Variants in DZIP1 observed in about 807,000 individuals in gnomAD.
DZIP1 encodes the protein cilium assembly protein DZIP1.
DZIP1 carries 97 observed loss-of-function variants against 107.6 expected under a neutral mutation model. That is an observed-to-expected ratio of 0.90 (90% CI 0.77 to 1.07). The LOEUF is 1.07. DZIP1 is among the 50% of genes least tolerant of loss of function. DZIP1 has a pLI of 0.00. For missense variants in DZIP1, 1,035 were observed against 1,063.6 expected, an observed-to-expected ratio of 0.97 and a Z score of 0.37; for synonymous variants, 390 against 386.4, an observed-to-expected ratio of 1.01 and a Z score of -0.11.
At chr13:95,640,907 CA>C (rs1878411749) in intron 5 of DZIP1, among the ~76,000 whole-genome samples, 1 of 152,092 alleles carries the variant, frequency 6.6e-6, no homozygotes, top group African/African-American at 2.4e-5. Flanking sequence ...GAAAGTATTT[CA>C]AAATTTATAA....
In DZIP1 at chr13:95,581,980, A is replaced by C; in HGVS notation, c.*254T>G. The C allele has an allele frequency of 2.9e-6, 1 of 345,390 alleles. No individual in the cohort carries two copies. The highest frequency in any genetic ancestry group is 5.2e-6 in the Non-Finnish European group (1 of 192,258). 21.4% of individuals were successfully genotyped at this position (345,390 alleles called of 1,614,324 possible). On this transcript the variant is annotated 3_prime_UTR_variant, in exon 23 of 23. Transcript: ENST00000376829. ...CTTTCTGAAGAAAAAACTTTTTATG[A>C]CTTCAATGACATGTTATTTTTAAGC...
intron 10 of DZIP1, among the ~76,000 whole-genome samples, chr13:95,615,948 G>T (rs931110224): frequency 1.3e-5 from 2 of 152,148 alleles, no homozygotes; most frequent in African/African-American, 4.8e-5. Context: ...AAGTTGTGCT[G>T]GTTAAATCAG....
chr13:95,599,853 G>A (rs532811087), intron 14 of DZIP1, among the ~76,000 whole-genome samples: 1 of 152,196 alleles, frequency 6.6e-6, no homozygotes, highest in Non-Finnish European at 1.5e-5. Context: ...ACTTGTTCTG[G>A]GTGCTAACCC....
intron 19 of DZIP1, among the ~76,000 whole-genome samples, chr13:95,588,318 G>T (rs1254470343): frequency 6.6e-6 from 1 of 152,190 alleles, no homozygotes. Context: ...CTTCCTATGA[G>T]ATTACGTATA....
At chr13:95,630,142 A>G (rs776945362) in intron 6 of DZIP1, 29 bp from the exon 7 acceptor site, 1 of 1,594,382 alleles carries the variant, frequency 6.3e-7, no homozygotes, top group East Asian at 2.2e-5. Flanking sequence ...GTGTTAAAAC[A>G]CCATCTCTTA....
chr13:95,590,437 A>G lies in DZIP1; in HGVS notation c.1685T>C (p.Ile562Thr). ...KLETLGINADIRGISSDQLHR... is the reference protein window; with the variant it reads ...KLETLGINADTRGISSDQLHR... ...CAACTGATCACTTGAAATGCCACGT[A>G]TATCCTGAAAGAATAAGATGTTAAG... The change falls in exon 17 of 23, where the codon ATA becomes ACA. Residue 562 changes from isoleucine (I) to threonine (T), a missense_variant. Coordinates refer to ENST00000376829, the MANE Select transcript of DZIP1 (RefSeq NM_198968.4). The G allele has an allele frequency of 1.2e-6, 2 of 1,600,244 alleles. No individual in the cohort carries two copies. Among genetic ancestry groups the G allele is most frequent in the Non-Finnish European group, 1.7e-6 (2 of 1,175,638 alleles).
At chr13:95,606,123 G>T in intron 13 of DZIP1, 64 bp from the exon 14 acceptor site, 3 of 1,538,858 alleles carry the variant, frequency 1.9e-6, no homozygotes, top group Non-Finnish European at 2.7e-6. Context: ...ATCCGAACAT[G>T]ATGGTAGCCA....
intron 10 of DZIP1, 36 bp from the exon 11 acceptor site, chr13:95,612,213 C>T (rs1187561900): frequency 2.5e-6 from 4 of 1,594,462 alleles, no homozygotes; most frequent in African/African-American, 1.3e-5. Flanking sequence ...CATCTGTAAG[C>T]TGCATGTCAA....
intron 15 of DZIP1, among the ~76,000 whole-genome samples, chr13:95,598,935 T>C (rs1748690136): frequency 6.6e-6 from 1 of 152,172 alleles, no homozygotes; most frequent in Admixed American, 6.5e-5. Flanking sequence ...GATGCTTTTC[T>C]TGCTATTAAA....
At position 95,591,222 on chromosome 13, in the gene DZIP1, T is replaced by C. The variant is rs184370534; in HGVS notation, c.1681-781A>G. ...TTTTGTATTTTTAGTAGAGATGGGGTTTCACCGTGTTGGCCAGGCTAGTCT... is the reference window on the plus strand; with the variant it reads ...TTTTGTATTTTTAGTAGAGATGGGGCTTCACCGTGTTGGCCAGGCTAGTCT... On this transcript the variant is annotated intron_variant, in intron 16 of 22. Transcript: ENST00000376829. Among the ~76,000 whole-genome samples, 213 of 151,992 alleles carry C rather than the reference T, an allele frequency of 1.4e-3. 1 individual carries two copies. The highest frequency in any genetic ancestry group is 4.9e-3 in the African/African-American group (203 of 41,450).
In DZIP1 at chr13:95,590,330, G is replaced by C; in HGVS notation, c.1792C>G (p.Leu598Val). Residue 598 changes from leucine (L) to valine (V), a missense_variant, in exon 17 of 23, where the codon CTT becomes GTT. Coordinates refer to ENST00000376829, the MANE Select transcript of DZIP1 (RefSeq NM_198968.4). Reference sequence around the variant, plus strand: ...ATTTTACAGCTGACTTGATGTTCAAGGAATTCTCGAATTTGATGAAAGTTA... The same window carrying C: ...ATTTTACAGCTGACTTGATGTTCAACGAATTCTCGAATTTGATGAAAGTTA... ...IPNFHQIREF[L>V]EHQVSCKIEE... 6.2e-7 allele frequency: 1 copy of C among 1,613,844 alleles called. No individual in the cohort carries two copies. Among genetic ancestry groups the C allele is most frequent in the Non-Finnish European group, 8.5e-7 (1 of 1,179,912 alleles).
chr13:95,629,985 G>C lies in DZIP1; in HGVS notation c.810+4C>G. 1 of 1,598,612 alleles carries C rather than the reference G, an allele frequency of 6.3e-7. No homozygotes were observed. The highest frequency in any genetic ancestry group is 8.5e-7 in the Non-Finnish European group (1 of 1,175,000). On this transcript the variant is annotated splice_donor_region_variant and intron_variant, in intron 7 of 22. Coordinates refer to ENST00000376829, the MANE Select transcript of DZIP1 (RefSeq NM_198968.4). ...TTAAAATACCACAGAATTCTGCCTG[G>C]TACCTTGGAGAATCTGACTGCACTG... is the stretch of plus-strand genomic sequence containing the variant.
At chr13:95,586,597 A>G (rs2044166390) in intron 20 of DZIP1, among the ~76,000 whole-genome samples, 1 of 152,018 alleles carries the variant, frequency 6.6e-6, no homozygotes, top group Admixed American at 6.6e-5. Context: ...GAATATTCAT[A>G]TGGGTATTTA....
At position 95,609,473 on chromosome 13, in the gene DZIP1, A is replaced by T. The variant is rs1363470418; in HGVS notation, c.1404T>A (p.Ala468=). 2.5e-6 allele frequency: 4 copies of T among 1,582,892 alleles called. No individual in the cohort carries two copies. The highest frequency in any genetic ancestry group is 3.4e-6 in the Non-Finnish European group (4 of 1,165,330). Residue 468 remains alanine, a synonymous_variant, in exon 13 of 23, where the codon GCT becomes GCA. Transcript: ENST00000376829. Reference sequence around the variant, plus strand: ...GGAACTTACTAGGCACAGCTGGAGCAGCTGGCTGAGATTCAAAAGCCTGCC... The same window carrying T: ...GGAACTTACTAGGCACAGCTGGAGCTGCTGGCTGAGATTCAAAAGCCTGCC... The part of the protein sequence containing the change: ...LAWQAFESQP[A]APAVPMNAPA...
Position 95,604,124 on chromosome 13 carries a change from C to G in DZIP1, c.1477+1879G>C, listed in dbSNP as rs565898837. Among the ~76,000 whole-genome samples, 45 of 152,312 alleles carry G rather than the reference C, an allele frequency of 3.0e-4. 1 individual carries two copies. Among genetic ancestry groups the G allele is most frequent in the African/African-American group, 9.6e-4 (40 of 41,564 alleles). On this transcript the variant is annotated intron_variant, in intron 14 of 22. Transcript: ENST00000376829. ...AGGTTCAACGTTCCCTTCGCCCAAC[C>G]CTGCTTCTCTCACAGGTGCTGTCCA...
At chr13:95,596,008 T>TC (rs886918741) in intron 15 of DZIP1, among the ~76,000 whole-genome samples, 63 of 152,180 alleles carry the variant, frequency 4.1e-4, no homozygotes, top group African/African-American at 1.4e-3. Flanking sequence ...ATTACGCATT[T>TC]CCCCCTGTCC....
chr13:95,611,543 C>T, intron 11 of DZIP1, 50 bp from the exon 12 acceptor site: 2 of 1,380,200 alleles, frequency 1.4e-6, no homozygotes, highest in South Asian at 1.2e-5. Flanking sequence ...TAGATAGGGA[C>T]ACACACATGG....
chr13:95,629,075 T>G (rs1876888852), intron 7 of DZIP1, among the ~76,000 whole-genome samples: 1 of 152,238 alleles, frequency 6.6e-6, no homozygotes, highest in Non-Finnish European at 1.5e-5. Context: ...CAGAAGCCTC[T>G]GTCAATGATT....
At position 95,593,969 on chromosome 13, in the gene DZIP1, T is replaced by G. The variant is rs1411647217; in HGVS notation, c.1655A>C (p.Lys552Thr). ...RTMVEQNLMEKLETLGINADI... is the reference protein window; with the variant it reads ...RTMVEQNLMETLETLGINADI... The stretch of plus-strand genomic sequence containing the variant: ...TGCATTAATCCCCAAGGTTTCCAGT[T>G]TCTCCATCAAGTTCTGCTCCACCAT... Residue 552 changes from lysine to threonine, a missense_variant, in exon 16 of 23, where the codon AAA becomes ACA. By Grantham distance (78) the Lys-to-Thr change is moderately conservative. Transcript: ENST00000376829. The G allele has an allele frequency of 6.2e-7, 1 of 1,609,740 alleles. No individual in the cohort carries two copies. Among genetic ancestry groups the G allele is most frequent in the Non-Finnish European group, 8.5e-7 (1 of 1,178,648 alleles).
Sources: gnomAD v4.1 joint callset for allele counts (sites outside exome capture counted in the v4.1 genomes callset) on GRCh38, gnomAD v4.1.1 for gene constraint, MANE v1.5 for transcripts, NCBI Gene and HGNC (gene_info 2026-07-23, HGNC 2026-07-21) for gene names.